Variants in PRELID2 observed in about 807,000 individuals in gnomAD.
PRELID2 encodes PRELI domain-containing protein 2.
A neutral mutation model predicts 28.4 loss-of-function variants in PRELID2; 25 were observed. The observed-to-expected ratio is 0.88, with a 90% CI of 0.64 to 1.23. The LOEUF (loss-of-function observed/expected upper bound fraction) is 1.23, where lower values mean the gene tolerates loss of function less well. Among genes scored for constraint, PRELID2 ranks in the 50% most tolerant of loss-of-function variants. PRELID2 has a pLI of 0.00. For missense variants in PRELID2, 201 were observed against 214.4 expected (o/e 0.94, Z 0.39); for synonymous variants, 76 against 71.6 (o/e 1.06, Z -0.31).
intron 2 of PRELID2, among the ~76,000 whole-genome samples, chr5:145,821,683 T>C (rs1419656522): frequency 6.6e-6 from 1 of 152,218 alleles, no homozygotes; most frequent in Non-Finnish European, 1.5e-5. Flanking sequence ...CCTCTGCCCA[T>C]TGGCCCTCCC....
At chr5:145,701,075 G>A (rs1189274890) in intron 1 of PRELID2, among the ~76,000 whole-genome samples, 2 of 152,214 alleles carry the variant, frequency 1.3e-5, no homozygotes, top group Non-Finnish European at 2.9e-5. Flanking sequence ...AGTGGCCGAA[G>A]GCTTCAACTC....
intron 1 of PRELID2, among the ~76,000 whole-genome samples, chr5:145,486,547 G>C (rs1332808792): frequency 6.6e-6 from 1 of 152,172 alleles, no homozygotes. Context: ...AACACCAGTT[G>C]TATCTTGGTG....
chr5:145,298,991 C>T, the PRELID2 span, among the ~76,000 whole-genome samples: 2 of 151,896 alleles, frequency 1.3e-5, no homozygotes, highest in Admixed American at 6.6e-5. Flanking sequence ...AATGTGTTCC[C>T]TTAATACATA....
At chr5:145,372,599 A>G in the PRELID2 span, among the ~76,000 whole-genome samples, 15 of 151,986 alleles carry the variant, frequency 9.9e-5, 1 homozygote, top group South Asian at 3.1e-3. Flanking sequence ...ACCATTGTGT[A>G]ATGCCCTTCT....
At chr5:145,644,453 C>CA (rs200028907) in intron 1 of PRELID2, among the ~76,000 whole-genome samples, 74 of 148,820 alleles carry the variant, frequency 5.0e-4, no homozygotes, top group East Asian at 5.9e-4. Context: ...TTGAACTTTT[C>CA]AAAAAAAAAC....
At chr5:145,790,592 T>C (rs1752304234) in intron 5 of PRELID2, among the ~76,000 whole-genome samples, 3 of 151,804 alleles carry the variant, frequency 2.0e-5, no homozygotes, top group African/African-American at 2.4e-5. Context: ...TGAGAATATA[T>C]TGTAAATTTC....
chr5:145,586,644 A>G (rs1194081851), intron 1 of PRELID2, among the ~76,000 whole-genome samples: 1 of 152,098 alleles, frequency 6.6e-6, no homozygotes, highest in Non-Finnish European at 1.5e-5. Flanking sequence ...TCCTATGGGC[A>G]TAGACTCATG....
At chr5:145,403,608 A>C in the PRELID2 span, among the ~76,000 whole-genome samples, 1 of 152,190 alleles carries the variant, frequency 6.6e-6, no homozygotes, top group Non-Finnish European at 1.5e-5. Flanking sequence ...GGGTAAAAGA[A>C]GGAAAGTTTA....
the PRELID2 span, among the ~76,000 whole-genome samples, chr5:145,328,667 C>T: frequency 2.9e-3 from 442 of 151,248 alleles, 1 homozygote; most frequent in African/African-American, 0.01. Flanking sequence ...TGTAGATTCT[C>T]GGTATTAGCC....
At chr5:145,334,755 G>A in the PRELID2 span, among the ~76,000 whole-genome samples, 2 of 146,792 alleles carry the variant, frequency 1.4e-5, no homozygotes, top group Non-Finnish European at 3.0e-5. Flanking sequence ...GCCAAGCATA[G>A]TATTCTTGTT....
intron 1 of PRELID2, among the ~76,000 whole-genome samples, chr5:145,500,932 A>AGATATGTGCC (rs1053255270): frequency 4.6e-5 from 7 of 152,130 alleles, no homozygotes; most frequent in Admixed American, 3.3e-4. Flanking sequence ...GACCAAGCAT[A>AGATATGTGCC]GATCATGTGC....
chr5:145,670,821 A>G (rs1167289364), intron 1 of PRELID2, among the ~76,000 whole-genome samples: 1 of 152,154 alleles, frequency 6.6e-6, no homozygotes, highest in African/African-American at 2.4e-5. Flanking sequence ...CTGGATCTAG[A>G]AAACAACTAA....
chr5:145,807,406 C>A (rs1052987189), intron 4 of PRELID2, among the ~76,000 whole-genome samples: 2 of 152,156 alleles, frequency 1.3e-5, no homozygotes, highest in African/African-American at 4.8e-5. Context: ...TTGAAAACAA[C>A]ATTTAATCCC....
At chr5:145,417,128 T>A in the PRELID2 span, among the ~76,000 whole-genome samples, 1 of 152,072 alleles carries the variant, frequency 6.6e-6, no homozygotes, top group African/African-American at 2.4e-5. Flanking sequence ...AATACCTCTA[T>A]GCACATAAAC....
chr5:145,814,059 T>C (rs536880289), intron 4 of PRELID2, among the ~76,000 whole-genome samples: 28 of 152,218 alleles, frequency 1.8e-4, no homozygotes, highest in Non-Finnish European at 3.7e-4. Context: ...TTTTCCTTTT[T>C]TTCTCAGAAC....
chr5:145,826,720 G>T (rs1374788387), intron 1 of PRELID2, among the ~76,000 whole-genome samples: 1 of 152,010 alleles, frequency 6.6e-6, no homozygotes, highest in Non-Finnish European at 1.5e-5. Context: ...TATTGGGGGG[G>T]AATATGCATT....
chr5:145,471,709 T>C (rs1486352229), downstream of PRELID2: 7 of 152,254 alleles, frequency 4.6e-5, no homozygotes, highest in South Asian at 1.0e-3. Flanking sequence ...CCTGAAAAAC[T>C]TAATGATGCA....
the PRELID2 span, chr5:145,229,112 C>CA: frequency 0.26 from 369,026 of 1,405,358 alleles, 54,141 homozygotes; most frequent in Non-Finnish European, 0.29. Context: ...GCATCGCCCA[C>CA]AAAAAAGTGG....
At chr5:145,266,717 A>T in the PRELID2 span, among the ~76,000 whole-genome samples, 1 of 152,186 alleles carries the variant, frequency 6.6e-6, no homozygotes, top group Non-Finnish European at 1.5e-5. Flanking sequence ...ATAAGTCATT[A>T]TATGAAAAAG....
Sources: allele counts gnomAD v4.1 joint callset (sites outside exome capture counted in the v4.1 genomes callset), GRCh38; gene constraint gnomAD v4.1.1; transcripts MANE v1.5; gene names NCBI Gene and HGNC (gene_info 2026-07-23, HGNC 2026-07-21).